USP13: variants seen among roughly 807,000 people sequenced by gnomAD.
USP13 encodes ubiquitin specific peptidase 13.
Under a neutral mutation model 107.8 loss-of-function variants are expected in USP13, and 68 were observed. That is an observed-to-expected ratio of 0.63 (90% CI 0.52 to 0.77). The LOEUF (loss-of-function observed/expected upper bound fraction) is 0.77. USP13 is among the 30% of genes least tolerant of loss of function. USP13 has a pLI of 0.00. For missense variants in USP13, 945 were observed against 1,093.3 expected (o/e 0.86, Z 1.91); for synonymous variants, 377 against 389.5 (o/e 0.97, Z 0.38).
chr3:179,685,556 C>G (rs112049006), intron 2 of USP13, among the ~76,000 whole-genome samples: 1 of 150,768 alleles, frequency 6.6e-6, no homozygotes, highest in African/African-American at 2.4e-5. Context: ...CTCACTAATT[C>G]TGTTAGGTGG....
At chr3:179,655,361 TTACTA>T (rs1720219949) in intron 1 of USP13, among the ~76,000 whole-genome samples, 1 of 152,124 alleles carries the variant, frequency 6.6e-6, no homozygotes, top group African/African-American at 2.4e-5. Context: ...TTCTAGAATG[TTACTA>T]TTCTAGAAAC....
chr3:179,709,047 G>A, intron 6 of USP13, 90 bp downstream of exon 6: 2 of 1,438,390 alleles, frequency 1.4e-6, no homozygotes, highest in African/African-American at 2.9e-5. Flanking sequence ...GAAGGTGCAG[G>A]CTCTGGATGC....
chr3:179,715,946 C>T (rs922431096), intron 6 of USP13, among the ~76,000 whole-genome samples: 24 of 152,072 alleles, frequency 1.6e-4, no homozygotes, highest in Admixed American at 9.2e-4. Context: ...TGTTTTGAGA[C>T]GCAGTTTCAC....
chr3:179,690,068 A>G (rs1430339133), intron 2 of USP13, among the ~76,000 whole-genome samples, 173 bp from the exon 3 acceptor site: 2 of 152,132 alleles, frequency 1.3e-5, no homozygotes, highest in East Asian at 3.9e-4. Flanking sequence ...ATTGCCCTTC[A>G]CCTACCTGCA....
intron 1 of USP13, among the ~76,000 whole-genome samples, chr3:179,657,635 G>A (rs1464644131): frequency 3.3e-5 from 5 of 151,110 alleles, no homozygotes; most frequent in East Asian, 1.9e-4. Flanking sequence ...GTGGTGGCAC[G>A]CACCTGTAGT....
intron 19 of USP13, among the ~76,000 whole-genome samples, chr3:179,775,152 C>T (rs1715481607): frequency 6.6e-6 from 1 of 151,574 alleles, no homozygotes; most frequent in Non-Finnish European, 1.5e-5. Flanking sequence ...CGTTTACAAA[C>T]CTTGAGCTAG....
chr3:179,658,198 C>T (rs1720342012), intron 1 of USP13, among the ~76,000 whole-genome samples: 1 of 152,170 alleles, frequency 6.6e-6, no homozygotes, highest in Admixed American at 6.5e-5. Context: ...TCGTGATCCG[C>T]CCACCTTGGC....
chr3:179,680,211 AG>A (rs1303886627), intron 1 of USP13, among the ~76,000 whole-genome samples: 10 of 151,796 alleles, frequency 6.6e-5, no homozygotes, highest in Non-Finnish European at 1.2e-4. Context: ...AAAAAGAAAG[AG>A]AGAGAGAGAG....
intron 8 of USP13, among the ~76,000 whole-genome samples, chr3:179,724,177 G>T (rs1328658557): frequency 6.6e-6 from 1 of 151,766 alleles, no homozygotes; most frequent in Non-Finnish European, 1.5e-5. Flanking sequence ...TAATAAGAAG[G>T]CCGGGTGCAG....
At chr3:179,682,247 GA>G (rs55876994) in intron 2 of USP13, among the ~76,000 whole-genome samples, 3 of 145,504 alleles carry the variant, frequency 2.1e-5, no homozygotes, top group Admixed American at 1.4e-4. Context: ...TGACTAATTG[GA>G]AAAAAAAAAC....
intron 3 of USP13, among the ~76,000 whole-genome samples, chr3:179,694,340 G>C (rs1005519827): frequency 6.6e-6 from 1 of 152,124 alleles, no homozygotes; most frequent in Non-Finnish European, 1.5e-5. Flanking sequence ...TTGGGAAACA[G>C]TAAGTGTGGT....
chr3:179,657,134 C>A (rs1239736519), intron 1 of USP13, among the ~76,000 whole-genome samples: 5 of 152,150 alleles, frequency 3.3e-5, no homozygotes, highest in Non-Finnish European at 7.3e-5. Flanking sequence ...ACAGTAACAA[C>A]CTATCTCAAA....
At chr3:179,752,703 C>A (rs1427139806) in intron 14 of USP13, among the ~76,000 whole-genome samples, 1 of 152,156 alleles carries the variant, frequency 6.6e-6, no homozygotes, top group Admixed American at 6.5e-5. Context: ...GCAGATTGGG[C>A]AGGTCTGGAG....
At chr3:179,703,363 G>C (rs1712601045) in intron 4 of USP13, among the ~76,000 whole-genome samples, 2 of 152,134 alleles carry the variant, frequency 1.3e-5, no homozygotes, top group Non-Finnish European at 2.9e-5. Flanking sequence ...ATCTAACCAG[G>C]TGATTCTTCC....
intron 19 of USP13, among the ~76,000 whole-genome samples, chr3:179,779,250 T>G (rs200070322): frequency 6.7e-6 from 1 of 149,974 alleles, no homozygotes; most frequent in East Asian, 2.0e-4. Context: ...AAAAGACTAA[T>G]GGGCCTGGCG....
At chr3:179,724,461 A>G (rs1483703586) in intron 8 of USP13, among the ~76,000 whole-genome samples, 1 of 73,674 alleles carries the variant, frequency 1.4e-5, no homozygotes, top group Non-Finnish European at 2.4e-5. Flanking sequence ...CTGTCTCAAG[A>G]AAAAAAAAAA....
chr3:179,709,147 C>T (rs141950981), intron 6 of USP13, among the ~76,000 whole-genome samples, 190 bp downstream of exon 6: 4 of 152,314 alleles, frequency 2.6e-5, no homozygotes, highest in Admixed American at 6.5e-5. Flanking sequence ...TTAGAATCCT[C>T]ATCTTGAGGA....
At chr3:179,779,779 T>C (rs1473515797) in intron 19 of USP13, among the ~76,000 whole-genome samples, 1 of 147,220 alleles carries the variant, frequency 6.8e-6, no homozygotes, top group Admixed American at 6.7e-5. Context: ...CTGGCAGCTA[T>C]GGTGAGAATA....
At chr3:179,658,926 C>T (rs1459086523) in intron 1 of USP13, among the ~76,000 whole-genome samples, 3 of 152,192 alleles carry the variant, frequency 2.0e-5, no homozygotes, top group East Asian at 3.9e-4. Context: ...GACTGTTGGG[C>T]CACACCTGCT....
Sources: gnomAD v4.1 joint callset for allele counts (sites outside exome capture counted in the v4.1 genomes callset) on GRCh38, gnomAD v4.1.1 for gene constraint, MANE v1.5 for transcripts, NCBI Gene and HGNC (gene_info 2026-07-23, HGNC 2026-07-21) for gene names.